Variants in DTNB observed in about 807,000 individuals in gnomAD.
The protein encoded by DTNB is dystrobrevin beta.
Under a neutral mutation model 90.7 loss-of-function variants are expected in DTNB, and 63 were observed. That is an observed-to-expected ratio of 0.69 (90% CI 0.57 to 0.86). DTNB has a LOEUF of 0.86. DTNB is among the 40% of genes least tolerant of loss of function. The probability of loss-of-function intolerance (pLI) is 0.00; values close to 1 mark genes in which losing one functional copy is unlikely to be tolerated. For synonymous variants in DTNB, 277 were observed against 286.7 expected, an observed-to-expected ratio of 0.97 and a Z score of 0.34; for missense variants, 744 against 807.1, an observed-to-expected ratio of 0.92 and a Z score of 0.95.
intron 9 of DTNB, among the ~76,000 whole-genome samples, chr2:25,525,687 A>G (rs2076959926): frequency 6.6e-6 from 1 of 152,120 alleles, no homozygotes; most frequent in Admixed American, 6.5e-5. Flanking sequence ...TAAAATAAGA[A>G]TTAATAAGGA....
intron 8 of DTNB, among the ~76,000 whole-genome samples, chr2:25,555,921 A>G (rs1453989085): frequency 1.3e-5 from 2 of 151,942 alleles, no homozygotes; most frequent in Non-Finnish European, 2.9e-5. Context: ...TTGGGAGGCT[A>G]AGGCAGGAGA....
chr2:25,412,560 A>C (rs2046873679), intron 16 of DTNB, among the ~76,000 whole-genome samples: 1 of 152,238 alleles, frequency 6.6e-6, no homozygotes, highest in African/African-American at 2.4e-5. Context: ...AAGCCTGATG[A>C]TCATTATATA....
chr2:25,461,645 A>C (rs753019502), intron 10 of DTNB, among the ~76,000 whole-genome samples: 1 of 152,172 alleles, frequency 6.6e-6, no homozygotes, highest in Non-Finnish European at 1.5e-5. Context: ...TACTGATGGA[A>C]ATTGAGCACC....
intron 18 of DTNB, among the ~76,000 whole-genome samples, chr2:25,386,455 A>C (rs1373327275): frequency 6.6e-6 from 1 of 152,250 alleles, no homozygotes; most frequent in Non-Finnish European, 1.5e-5. Context: ...AAGAAACAAA[A>C]GAGAGCCATC....
chr2:25,564,359 T>C (rs1230584670), intron 8 of DTNB, among the ~76,000 whole-genome samples: 1 of 152,088 alleles, frequency 6.6e-6, no homozygotes, highest in African/African-American at 2.4e-5. Flanking sequence ...AGCATGTCTA[T>C]TTCCTTAGGT....
intron 3 of DTNB, among the ~76,000 whole-genome samples, chr2:25,636,655 AATC>A (rs2077188998): frequency 6.6e-6 from 1 of 152,194 alleles, no homozygotes; most frequent in Non-Finnish European, 1.5e-5. Context: ...AATATATTTA[AATC>A]ATCATGTACA....
intron 2 of DTNB, among the ~76,000 whole-genome samples, chr2:25,641,361 C>T (rs2078264051): frequency 6.6e-6 from 1 of 152,160 alleles, no homozygotes; most frequent in African/African-American, 2.4e-5. Flanking sequence ...GATTCTAAAA[C>T]CTCCCATATG....
chr2:25,428,486 G>A (rs1025544668), intron 14 of DTNB, among the ~76,000 whole-genome samples: 2 of 149,884 alleles, frequency 1.3e-5, no homozygotes, highest in African/African-American at 4.9e-5. Flanking sequence ...AGGCTGGAGT[G>A]CAGTGGTGCC....
intron 16 of DTNB, among the ~76,000 whole-genome samples, chr2:25,394,557 A>AT (rs2041946125): frequency 6.6e-6 from 1 of 152,210 alleles, no homozygotes; most frequent in East Asian, 1.9e-4. Flanking sequence ...AAATAATCCC[A>AT]TAAAAAAGTG....
intron 8 of DTNB, among the ~76,000 whole-genome samples, chr2:25,545,344 C>G (rs1451222901): frequency 6.6e-6 from 1 of 152,142 alleles, no homozygotes; most frequent in Non-Finnish European, 1.5e-5. Context: ...TGCTGATTTT[C>G]CCTCACAGTA....
At chr2:25,589,367 C>CTTTTTTTTTTTTTTTTT (rs1169808182) in intron 6 of DTNB, among the ~76,000 whole-genome samples, 11 of 57,546 alleles carry the variant, frequency 1.9e-4, no homozygotes, top group South Asian at 7.0e-4. Flanking sequence ...TTTTTCTTTT[C>CTTTTTTTTTTTTTTTTT]TTTTTTTTTT....
intron 9 of DTNB, among the ~76,000 whole-genome samples, chr2:25,508,020 G>A (rs1011870720): frequency 6.6e-6 from 1 of 152,122 alleles, no homozygotes; most frequent in African/African-American, 2.4e-5. Context: ...TTTTCATTAA[G>A]GCCTAAAGCA....
chr2:25,577,776 G>A (rs1436324502), intron 7 of DTNB, among the ~76,000 whole-genome samples: 3 of 152,108 alleles, frequency 2.0e-5, no homozygotes, highest in Admixed American at 6.5e-5. Flanking sequence ...GCCGAGGCGG[G>A]CAGATCACGA....
intron 15 of DTNB, among the ~76,000 whole-genome samples, chr2:25,425,186 T>C (rs1279193149): frequency 2.0e-5 from 3 of 152,174 alleles, no homozygotes; most frequent in Non-Finnish European, 2.9e-5. Context: ...CATTTAGACA[T>C]AAAATATTTC....
At chr2:25,499,156 G>A (rs987149427) in intron 9 of DTNB, among the ~76,000 whole-genome samples, 12 of 151,260 alleles carry the variant, frequency 7.9e-5, no homozygotes, top group African/African-American at 2.7e-4. Context: ...GGCGGAGGAC[G>A]CACTCAGTCG....
At chr2:25,613,322 G>A (rs2069170129) in intron 4 of DTNB, among the ~76,000 whole-genome samples, 1 of 152,044 alleles carries the variant, frequency 6.6e-6, no homozygotes, top group Non-Finnish European at 1.5e-5. Context: ...GCTGAGGTTT[G>A]GGGTATGAAT....
At chr2:25,472,201 T>C (rs1301325849) in intron 10 of DTNB, among the ~76,000 whole-genome samples, 1 of 152,226 alleles carries the variant, frequency 6.6e-6, no homozygotes, top group East Asian at 1.9e-4. Flanking sequence ...ACTACGATAC[T>C]ATGATATGTA....
chr2:25,637,704 A>T (rs915927974), intron 3 of DTNB, among the ~76,000 whole-genome samples: 4 of 152,308 alleles, frequency 2.6e-5, no homozygotes, highest in South Asian at 4.1e-4. Context: ...AAAAGTCAGG[A>T]AACAACAGGT....
chr2:25,446,435 T>C (rs2058439525), intron 12 of DTNB, among the ~76,000 whole-genome samples: 1 of 152,112 alleles, frequency 6.6e-6, no homozygotes, highest in East Asian at 1.9e-4. Flanking sequence ...TTTCATCTTT[T>C]AGTAGAGACG....
Sources: allele counts gnomAD v4.1 joint callset (sites outside exome capture counted in the v4.1 genomes callset), GRCh38; gene constraint gnomAD v4.1.1; transcripts MANE v1.5; gene names NCBI Gene and HGNC (gene_info 2026-07-23, HGNC 2026-07-21).